DEFB134: variants seen among roughly 807,000 people sequenced by gnomAD.
DEFB134 encodes defensin beta 134, also known as beta-defensin 134.
DEFB134 carries 7 observed loss-of-function variants against 7.4 expected under a neutral mutation model. That is an observed-to-expected ratio of 0.95 (90% CI 0.54 to 1.79). The LOEUF (loss-of-function observed/expected upper bound fraction) is 1.79, where lower values mean the gene tolerates loss of function less well. Ranked by LOEUF, DEFB134 falls within the 40% of genes most tolerant of loss-of-function variation. DEFB134 has a pLI of 0.00. For synonymous variants in DEFB134, 33 were observed against 25.0 expected, an observed-to-expected ratio of 1.32 and a Z score of -0.96; for missense variants, 105 against 74.8, an observed-to-expected ratio of 1.40 and a Z score of -1.49.
exon 2 of DEFB134, chr8:11,993,716 G>A: frequency 5.8e-6 from 2 of 344,994 alleles, no homozygotes; most frequent in East Asian, 9.2e-5. Flanking sequence ...GGAGAAACAG[G>A]TGCTGATGAG....
exon 2 of DEFB134, chr8:11,994,092 T>G (rs887961408): frequency 3.1e-6 from 5 of 1,613,360 alleles, no homozygotes; most frequent in Non-Finnish European, 4.2e-6. Context: ...ATAGCATTTC[T>G]TGTGCATTTC....
chr8:12,000,053 T>C (rs1245925402), upstream of DEFB134, among the ~76,000 whole-genome samples: 4 of 152,356 alleles, frequency 2.6e-5, no homozygotes, highest in South Asian at 2.1e-4. Flanking sequence ...TCAGCTGCAA[T>C]TGAAATGTCC....
At chr8:11,995,531 G>C (rs1457114096) in intron 1 of DEFB134, among the ~76,000 whole-genome samples, 3 of 152,146 alleles carry the variant, frequency 2.0e-5, no homozygotes, top group African/African-American at 7.2e-5. Flanking sequence ...CACACTCTCT[G>C]TCATGTCTCC....
At chr8:11,996,409 GC>G, upstream of DEFB134, 1 of 603,674 alleles carries the variant, frequency 1.7e-6, no homozygotes. Flanking sequence ...CCCTGAGGCA[GC>G]CGTGTTGGCA....
At chr8:12,000,632 T>C (rs144779767), upstream of DEFB134, among the ~76,000 whole-genome samples, 1 of 152,266 alleles carries the variant, frequency 6.6e-6, no homozygotes, top group African/African-American at 2.4e-5. Context: ...AATAAAACAA[T>C]TATAACAATA....
upstream of DEFB134, among the ~76,000 whole-genome samples, chr8:11,997,171 T>A (rs539543981): frequency 6.6e-6 from 1 of 152,340 alleles, no homozygotes; most frequent in East Asian, 1.9e-4. Context: ...TAGAATAATA[T>A]ATTCTATACT....
intron 1 of DEFB134, among the ~76,000 whole-genome samples, chr8:11,995,392 C>A (rs1358758400): frequency 2.6e-5 from 4 of 152,200 alleles, no homozygotes; most frequent in Admixed American, 2.6e-4. Flanking sequence ...TTCAGGCAAA[C>A]ACTTCAGTCC....
chr8:11,994,390 C>T (rs910958058), intron 1 of DEFB134, among the ~76,000 whole-genome samples: 1 of 152,160 alleles, frequency 6.6e-6, no homozygotes, highest in African/African-American at 2.4e-5. Flanking sequence ...TGGTGGAACC[C>T]TAATCCAATA....
rs141183297 is a variant in DEFB134 at position 11,993,970 on chromosome 8, G to A, written c.*10C>T. 8.1e-6 allele frequency: 13 copies of A among 1,610,176 alleles called. No homozygotes were observed. In the African/African-American group the frequency reaches 1.7e-4, roughly 22 times the overall value. On this transcript the variant is annotated 3_prime_UTR_variant, in exon 2 of 2. Coordinates refer to ENST00000526438, the Ensembl canonical transcript of DEFB134. ...CCTACAGGATAGTGGCCATTCATTG[G>A]TTTCTTATGTCAGGGTGCAGGATTT... is the stretch of plus-strand genomic sequence containing the variant.
Position 11,993,877 on chromosome 8 carries a change from T to C in DEFB134, c.*103A>G, listed in dbSNP as rs1800043404. The C allele has an allele frequency of 4.8e-6, 7 of 1,472,628 alleles. No homozygotes were observed. The Admixed American group carries it at 1.5e-4, about 32-fold the overall frequency. 91.2% of individuals were successfully genotyped at this position (1,472,628 alleles called of 1,614,324 possible). ...TAAAAATGCTAAAAACCAGTAGTCA[T>C]GGACACATCATGGTGTCACAGTTTG... On this transcript the variant is annotated 3_prime_UTR_variant, in exon 2 of 2. Coordinates refer to ENST00000526438, the Ensembl canonical transcript of DEFB134.
chr8:11,994,742 A>AT (rs1392246422), intron 1 of DEFB134, among the ~76,000 whole-genome samples: 6 of 152,220 alleles, frequency 3.9e-5, no homozygotes, highest in African/African-American at 1.4e-4. Context: ...TTATTCATAA[A>AT]CCAATTTTTA....
chr8:11,999,826 G>A (rs1800225188), upstream of DEFB134, among the ~76,000 whole-genome samples: 1 of 152,200 alleles, frequency 6.6e-6, no homozygotes, highest in South Asian at 2.1e-4. Flanking sequence ...TTGAAAACAA[G>A]TATGTGGCTT....
At position 11,996,192 on chromosome 8, in the gene DEFB134, A is replaced by G. The variant is rs1412683382; in HGVS notation, c.58+2T>C. 4 of 1,613,538 alleles carry G rather than the reference A, an allele frequency of 2.5e-6. No homozygotes were observed. In the Admixed American group the frequency reaches 6.7e-5, roughly 27 times the overall value. On this transcript the variant is annotated splice_donor_variant, in intron 1 of 1. Coordinates refer to ENST00000526438, the Ensembl canonical transcript of DEFB134. LOFTEE classifies it high-confidence loss of function. ...CTACCCCCCAAAATATGCCAGTTTT[A>G]CCTGCCAGCACTGGATCCCAAAGGA...
intron 1 of DEFB134, 66 bp downstream of exon 2, chr8:11,996,127 TG>T (rs1563114402): frequency 6.3e-7 from 1 of 1,580,704 alleles, no homozygotes; most frequent in Non-Finnish European, 8.7e-7. Context: ...GTATGTTTAT[TG>T]GGTTGTTTAG....
chr8:11,998,025 C>T (rs939977250), upstream of DEFB134, among the ~76,000 whole-genome samples: 7 of 152,202 alleles, frequency 4.6e-5, no homozygotes, highest in Admixed American at 1.3e-4. Context: ...ATTCTCAGAC[C>T]GCAATGCAAT....
chr8:11,993,202 T>C (rs765652210), exon 2 of DEFB134: 1 of 152,212 alleles, frequency 6.6e-6, no homozygotes, highest in Non-Finnish European at 1.5e-5. Context: ...TAGTTACACA[T>C]ATAGCAAAGC....
At chr8:11,998,197 C>G (rs902477970), upstream of DEFB134, among the ~76,000 whole-genome samples, 1 of 152,064 alleles carries the variant, frequency 6.6e-6, no homozygotes, top group African/African-American at 2.4e-5. Flanking sequence ...ACCTGTAACG[C>G]TAGCACTTTG....
chr8:11,999,412 AAT>A (rs1249516922), upstream of DEFB134: 1 of 175,782 alleles, frequency 5.7e-6, no homozygotes, highest in African/African-American at 2.4e-5. Context: ...ATAATAAAGC[AAT>A]ATACTTTTAT....
At chr8:11,998,747 C>T (rs1563115670), upstream of DEFB134, among the ~76,000 whole-genome samples, 1 of 151,868 alleles carries the variant, frequency 6.6e-6, no homozygotes, top group Non-Finnish European at 1.5e-5. Flanking sequence ...TTAATGAAAC[C>T]AAAAGTTGGC....
Sources: gnomAD v4.1 joint callset for allele counts (sites outside exome capture counted in the v4.1 genomes callset) on GRCh38, gnomAD v4.1.1 for gene constraint, MANE v1.5 for transcripts, NCBI Gene and HGNC (gene_info 2026-07-23, HGNC 2026-07-21) for gene names.